Variants in KCNQ5 observed in about 807,000 individuals in gnomAD.
KCNQ5 encodes the protein potassium voltage-gated channel subfamily KQT member 5.
KCNQ5 carries 30 observed loss-of-function variants against 98.2 expected under a neutral mutation model. The ratio of observed to expected loss-of-function variants is 0.31; its 90% CI spans 0.23 to 0.41. KCNQ5 has a LOEUF of 0.41. KCNQ5 is among the 10% of genes least tolerant of loss of function. The probability of loss-of-function intolerance (pLI) is 1.00; values close to 1 mark genes in which losing one functional copy is unlikely to be tolerated. For missense variants in KCNQ5, 835 were observed against 1,182.5 expected (o/e 0.71, Z 4.31); for synonymous variants, 458 against 449.4 (o/e 1.02, Z -0.24).
At chr6:72,822,971 T>C (rs1161826954) in intron 1 of KCNQ5, among the ~76,000 whole-genome samples, 1 of 152,146 alleles carries the variant, frequency 6.6e-6, no homozygotes, top group African/African-American at 2.4e-5. Flanking sequence ...ACCCTCCTGC[T>C]TCCTTTTTAC....
chr6:73,062,037 G>C (rs1475819348), intron 3 of KCNQ5, among the ~76,000 whole-genome samples: 6 of 152,098 alleles, frequency 3.9e-5, no homozygotes, highest in Non-Finnish European at 5.9e-5. Flanking sequence ...TATTTTAAGA[G>C]GTAAATGGAA....
chr6:72,772,135 A>T (rs1772928662), intron 1 of KCNQ5, among the ~76,000 whole-genome samples: 1 of 152,232 alleles, frequency 6.6e-6, no homozygotes, highest in African/African-American at 2.4e-5. Flanking sequence ...ATTTAGCCCT[A>T]AATTAGCAAA....
chr6:72,931,775 T>C (rs112916680), intron 1 of KCNQ5, among the ~76,000 whole-genome samples: 2,182 of 152,112 alleles, frequency 0.014, 51 homozygotes, highest in South Asian at 0.067. Context: ...TGCGAGGTAA[T>C]TGCCTCACAC....
At chr6:73,112,421 C>G (rs1168428516) in intron 7 of KCNQ5, among the ~76,000 whole-genome samples, 2 of 151,690 alleles carry the variant, frequency 1.3e-5, no homozygotes, top group Non-Finnish European at 2.9e-5. Context: ...TCTCGGCTCA[C>G]TGCAAGCTCC....
intron 10 of KCNQ5, among the ~76,000 whole-genome samples, chr6:73,159,630 A>G (rs369098538): frequency 2.0e-4 from 30 of 152,212 alleles, no homozygotes; most frequent in African/African-American, 7.2e-4. Context: ...TTCTTTTGCA[A>G]ATTAAATCGG....
At chr6:72,646,447 G>A (rs1468230733) in intron 1 of KCNQ5, among the ~76,000 whole-genome samples, 2 of 152,044 alleles carry the variant, frequency 1.3e-5, no homozygotes, top group Non-Finnish European at 2.9e-5. Context: ...AAATATGACA[G>A]TTATCCACAA....
At chr6:72,912,499 T>C (rs1186109063) in intron 1 of KCNQ5, among the ~76,000 whole-genome samples, 1 of 152,202 alleles carries the variant, frequency 6.6e-6, no homozygotes, top group African/African-American at 2.4e-5. Context: ...CCTTGTGTAA[T>C]GCAAAATGCT....
intron 1 of KCNQ5, among the ~76,000 whole-genome samples, chr6:72,697,896 A>G (rs1450093205): frequency 6.6e-6 from 1 of 152,148 alleles, no homozygotes; most frequent in Non-Finnish European, 1.5e-5. Flanking sequence ...TTACTAAGGA[A>G]GTTCTTGGTT....
At chr6:73,068,808 AC>A (rs1295881093) in intron 3 of KCNQ5, among the ~76,000 whole-genome samples, 1 of 152,242 alleles carries the variant, frequency 6.6e-6, no homozygotes, top group African/African-American at 2.4e-5. Flanking sequence ...GGAGAAAAAA[AC>A]AATAGTTTAA....
At chr6:72,738,291 A>C (rs914696942) in intron 1 of KCNQ5, among the ~76,000 whole-genome samples, 1 of 152,158 alleles carries the variant, frequency 6.6e-6, no homozygotes, top group African/African-American at 2.4e-5. Context: ...AAACAGCCTC[A>C]GGCCCTTGTG....
At chr6:72,762,581 C>T (rs550656669) in intron 1 of KCNQ5, among the ~76,000 whole-genome samples, 7 of 151,970 alleles carry the variant, frequency 4.6e-5, no homozygotes, top group South Asian at 2.1e-4. Context: ...AACATCAGGA[C>T]GAAAAGGTGG....
At chr6:72,908,887 C>CT (rs1454476512) in intron 1 of KCNQ5, among the ~76,000 whole-genome samples, 2 of 152,068 alleles carry the variant, frequency 1.3e-5, no homozygotes, top group African/African-American at 4.8e-5. Flanking sequence ...TTAAAGATAT[C>CT]TGCTAATTTG....
intron 1 of KCNQ5, among the ~76,000 whole-genome samples, chr6:72,963,659 T>C (rs1767478360): frequency 6.6e-6 from 1 of 152,004 alleles, no homozygotes; most frequent in Admixed American, 6.6e-5. Context: ...TTTTATTTTA[T>C]TTATTTATTT....
chr6:73,107,065 T>C (rs938793783), intron 6 of KCNQ5, among the ~76,000 whole-genome samples: 7 of 152,186 alleles, frequency 4.6e-5, no homozygotes, highest in African/African-American at 1.7e-4. Flanking sequence ...TCAGATTCCC[T>C]ACAGGAAAAT....
chr6:72,783,614 T>C (rs1258058093), intron 1 of KCNQ5, among the ~76,000 whole-genome samples: 2 of 152,130 alleles, frequency 1.3e-5, no homozygotes, highest in Non-Finnish European at 2.9e-5. Context: ...TATTTTTTTA[T>C]CCTCGATATT....
At chr6:72,880,676 A>G (rs1472632344) in intron 1 of KCNQ5, among the ~76,000 whole-genome samples, 2 of 152,010 alleles carry the variant, frequency 1.3e-5, no homozygotes, top group Non-Finnish European at 2.9e-5. Context: ...TTATTATTCT[A>G]TTTCATTTTC....
intron 1 of KCNQ5, among the ~76,000 whole-genome samples, chr6:72,679,815 A>C (rs1465539687): frequency 2.0e-5 from 3 of 152,196 alleles, no homozygotes; most frequent in Non-Finnish European, 2.9e-5. Context: ...AGGTGGGCAG[A>C]TCGCCCTAGG....
intron 1 of KCNQ5, among the ~76,000 whole-genome samples, chr6:72,745,886 G>T (rs995021273): frequency 6.6e-6 from 1 of 151,998 alleles, no homozygotes; most frequent in Non-Finnish European, 1.5e-5. Flanking sequence ...CTGTGTTGGC[G>T]TGTAGCCGCC....
rs1766076901 is a variant in KCNQ5 at position 72,655,019 on chromosome 6, T to TCGGTCTTTCTTTC, written c.398+32433_398+32434insGGTCTTTCTTTCC. ...TTGTTTCCATGTTTAATAGCCAAGG[T>TCGGTCTTTCTTTC]CTGTCTGTCTTTCTTTCTTTCTTTC... On this transcript the variant is annotated intron_variant, in intron 1 of 13. Transcript: ENST00000370398. 1.1e-4 allele frequency among the ~76,000 whole-genome samples: 10 copies of TCGGTCTTTCTTTC among 94,356 alleles called. 1 individual carries two copies. The highest frequency in any genetic ancestry group is 6.1e-4 in the African/African-American group (10 of 16,476). The allele number at this position is 94,356 out of a possible 152,430, so 61.9% of individuals were successfully genotyped here.
Sources: gnomAD v4.1 joint callset for allele counts (sites outside exome capture counted in the v4.1 genomes callset) on GRCh38, gnomAD v4.1.1 for gene constraint, MANE v1.5 for transcripts, NCBI Gene and HGNC (gene_info 2026-07-23, HGNC 2026-07-21) for gene names.